KLF12: variants seen among roughly 807,000 people sequenced by gnomAD.
The protein encoded by KLF12 is Krueppel-like factor 12.
Under a neutral mutation model 37.8 loss-of-function variants are expected in KLF12, and 9 were observed. The ratio of observed to expected loss-of-function variants is 0.24; its 90% CI spans 0.14 to 0.42. The LOEUF is 0.42. Ranked by LOEUF, KLF12 falls within the 10% of genes least tolerant of loss-of-function variation. KLF12 has a pLI of 1.00. For synonymous variants in KLF12, 208 were observed against 202.1 expected (o/e 1.03, Z -0.25); for missense variants, 411 against 516.0 (o/e 0.80, Z 1.97).
chr13:73,799,053 C>T (rs536323926), intron 5 of KLF12, among the ~76,000 whole-genome samples: 25 of 152,180 alleles, frequency 1.6e-4, no homozygotes, highest in Non-Finnish European at 3.2e-4. Context: ...AAACGTGGCA[C>T]ATATACCCCA....
chr13:74,132,592 C>G (rs1878323402), intron 1 of KLF12, among the ~76,000 whole-genome samples: 1 of 152,184 alleles, frequency 6.6e-6, no homozygotes. Context: ...ACTACGCAAA[C>G]TGTTTATCCA....
intron 1 of KLF12, among the ~76,000 whole-genome samples, chr13:74,035,160 A>G (rs1031924072): frequency 3.3e-5 from 5 of 152,194 alleles, no homozygotes; most frequent in Non-Finnish European, 7.4e-5. Flanking sequence ...AAGATGCTTG[A>G]GCCCATTATG....
intron 1 of KLF12, among the ~76,000 whole-genome samples, chr13:74,120,245 G>T (rs1566221711): frequency 6.6e-6 from 1 of 152,200 alleles, no homozygotes; most frequent in African/African-American, 2.4e-5. Flanking sequence ...ACTTTGGGAG[G>T]CCAAGGTGGG....
At chr13:73,797,494 G>A (rs965913957) in intron 5 of KLF12, among the ~76,000 whole-genome samples, 6 of 152,166 alleles carry the variant, frequency 3.9e-5, no homozygotes, top group African/African-American at 1.4e-4. Context: ...GGGAGGCCGG[G>A]TGCAGTGGCT....
rs990870504 is a variant in KLF12 at position 74,093,699 on chromosome 13, T to C, written c.-32+40040A>G. On this transcript the variant is annotated intron_variant, in intron 1 of 7. Coordinates refer to ENST00000377669, the MANE Select transcript of KLF12 (RefSeq NM_007249.5). ...CATTTAAAAAGAAAATAGTTAAGAA[T>C]TGACTCCAAAAAGAAAAAAATATAT... Among the ~76,000 whole-genome samples, 5 of 151,378 alleles carry C rather than the reference T, an allele frequency of 3.3e-5. No homozygotes were observed. In the East Asian group the frequency reaches 7.7e-4, roughly 23 times the overall value.
At chr13:73,753,624 T>C (rs1878940512) in intron 6 of KLF12, among the ~76,000 whole-genome samples, 1 of 146,904 alleles carries the variant, frequency 6.8e-6, no homozygotes, top group African/African-American at 2.5e-5. Context: ...AACAGATGAA[T>C]GAACACAAAT....
chr13:74,177,887 C>A, the KLF12 span, among the ~76,000 whole-genome samples: 7 of 152,120 alleles, frequency 4.6e-5, no homozygotes, highest in South Asian at 6.2e-4. Context: ...TTTACATCAC[C>A]AAATGTTAAG....
the KLF12 span, among the ~76,000 whole-genome samples, chr13:74,155,918 T>A: frequency 6.6e-6 from 1 of 152,212 alleles, no homozygotes; most frequent in African/African-American, 2.4e-5. Context: ...ACAGCTCACC[T>A]GATGGATCCC....
chr13:74,240,039 C>T, the KLF12 span, among the ~76,000 whole-genome samples: 31,350 of 151,362 alleles, frequency 0.21, 5,214 homozygotes, highest in African/African-American at 0.47. Context: ...TTCCTAGTCT[C>T]GATGGTCTTT....
the KLF12 span, among the ~76,000 whole-genome samples, chr13:74,219,761 G>A: frequency 6.6e-6 from 1 of 152,296 alleles, no homozygotes; most frequent in Middle Eastern, 3.4e-3. Context: ...ACATTCCGTG[G>A]TCTTCTAAGA....
At chr13:73,866,121 T>TG (rs1886163967) in intron 3 of KLF12, among the ~76,000 whole-genome samples, 1 of 151,710 alleles carries the variant, frequency 6.6e-6, no homozygotes, top group Non-Finnish European at 1.5e-5. Flanking sequence ...CCGGGAATGG[T>TG]GGTGGGCGCC....
chr13:74,213,435 T>C, the KLF12 span, among the ~76,000 whole-genome samples: 1 of 152,176 alleles, frequency 6.6e-6, no homozygotes, highest in Non-Finnish European at 1.5e-5. Context: ...TGCTTTGGGC[T>C]TTTTTCCTTT....
At chr13:74,134,570 G>A (rs985532339), upstream of KLF12, among the ~76,000 whole-genome samples, 2 of 133,470 alleles carry the variant, frequency 1.5e-5, no homozygotes, top group Non-Finnish European at 1.6e-5. Flanking sequence ...CTCCGGCCCC[G>A]GGCCTCGGCA....
At chr13:73,974,460 C>G (rs1180663106) in intron 2 of KLF12, among the ~76,000 whole-genome samples, 1 of 152,120 alleles carries the variant, frequency 6.6e-6, no homozygotes, top group African/African-American at 2.4e-5. Flanking sequence ...CTAAGTGCAA[C>G]TCAAGAATTT....
intron 2 of KLF12, chr13:73,960,403 AT>A (rs755307545): frequency 1.4e-4 from 43 of 301,752 alleles, no homozygotes; most frequent in Non-Finnish European, 2.9e-4. Context: ...TTTTAAAATA[AT>A]TTTAAATGTT....
intron 5 of KLF12, chr13:73,801,918 A>G (rs932424418): frequency 1.3e-5 from 2 of 152,162 alleles, no homozygotes; most frequent in African/African-American, 4.8e-5. Context: ...TTAGTTTTCA[A>G]AAGTTTGTTC....
chr13:74,104,308 A>T (rs1876530196), intron 1 of KLF12, among the ~76,000 whole-genome samples: 1 of 152,254 alleles, frequency 6.6e-6, no homozygotes, highest in Non-Finnish European at 1.5e-5. Flanking sequence ...TCTGACATTT[A>T]TTCAACCGTA....
the KLF12 span, among the ~76,000 whole-genome samples, chr13:74,141,949 C>G: frequency 6.6e-6 from 1 of 152,058 alleles, no homozygotes; most frequent in African/African-American, 2.4e-5. Context: ...GTGAGGCTCT[C>G]TATTGAATTC....
intron 3 of KLF12, among the ~76,000 whole-genome samples, chr13:73,859,308 G>A (rs1885789533): frequency 6.6e-6 from 1 of 152,176 alleles, no homozygotes; most frequent in Non-Finnish European, 1.5e-5. Flanking sequence ...AGTTTTACAA[G>A]TGAAGAAATT....
Sources: allele counts gnomAD v4.1 joint callset (sites outside exome capture counted in the v4.1 genomes callset), GRCh38; gene constraint gnomAD v4.1.1; transcripts MANE v1.5; gene names NCBI Gene and HGNC (gene_info 2026-07-23, HGNC 2026-07-21).